Variants in SLC6A7 observed in about 807,000 individuals in gnomAD.
The protein encoded by SLC6A7 is sodium-dependent proline transporter.
Under a neutral mutation model 73.1 loss-of-function variants are expected in SLC6A7, and 58 were observed. The observed-to-expected ratio is 0.79, with a 90% CI of 0.64 to 0.99. The LOEUF (loss-of-function observed/expected upper bound fraction) is 0.99. SLC6A7 is among the 50% of genes least tolerant of loss of function. The pLI is 0.00. For synonymous variants in SLC6A7, 338 were observed against 338.7 expected (o/e 1.00, Z 0.02); for missense variants, 783 against 831.4 (o/e 0.94, Z 0.72).
chr5:150,198,089 AAGAAAGAAAGAAAGAAAGAAAGAAAG>A (rs1753141690), intron 4 of SLC6A7, among the ~76,000 whole-genome samples: 1 of 105,004 alleles, frequency 9.5e-6, no homozygotes, highest in African/African-American at 3.6e-5. Context: ...GAAAGAAAGA[AAGAAAGAAAGAAAGAAAGAAAGAAAG>A]AGAAAGAAAG....
chr5:150,197,271 C>T lies in SLC6A7; in HGVS notation c.579C>T (p.Tyr193=), dbSNP rs1753083354. 6.3e-7 allele frequency: 1 copy of T among 1,599,142 alleles called. No homozygotes were observed. The highest frequency in any genetic ancestry group is 1.1e-5 in the South Asian group (1 of 89,252). Residue 193 remains tyrosine, a synonymous_variant, in exon 4 of 14, where the codon TAC becomes TAT. Coordinates refer to ENST00000230671, the MANE Select transcript of SLC6A7 (RefSeq NM_014228.5). The stretch of plus-strand genomic sequence containing the variant: ...GCACCGTCAGCCCCAGCGAGGAGTA[C>T]TGGAGGTCAGGCAGCTGCTGGCCCC... The part of the protein sequence containing the change: ...LTCTVSPSEE[Y]WSRYVLHIQG...
At chr5:150,196,483 G>A (rs923894215) in intron 2 of SLC6A7, among the ~76,000 whole-genome samples, 12 of 152,212 alleles carry the variant, frequency 7.9e-5, no homozygotes, top group Non-Finnish European at 1.5e-4. Flanking sequence ...CTCAGCAGGC[G>A]TTTCTCAGCG....
At position 150,209,765 on chromosome 5, in the gene SLC6A7, G is replaced by A. The variant is rs916539959; in HGVS notation, c.*150G>A. 6 of 659,074 alleles carry A rather than the reference G, an allele frequency of 9.1e-6. No individual in the cohort carries two copies. The Admixed American group carries it at 1.2e-4, about 13-fold the overall frequency. 40.8% of individuals were successfully genotyped at this position (659,074 alleles called of 1,614,324 possible). ...CAGTCCCCCAGTGGGGGTCCCTTCT[G>A]CAGCCTCTGCCTCTCCTGAAACCTC... is the stretch of plus-strand genomic sequence containing the variant. On this transcript the variant is annotated 3_prime_UTR_variant, in exon 14 of 14. Coordinates refer to ENST00000230671, the MANE Select transcript of SLC6A7 (RefSeq NM_014228.5).
At chr5:150,196,669 G>T (rs765640545) in intron 2 of SLC6A7, 47 bp from the exon 3 acceptor site, 111 of 1,584,936 alleles carry the variant, frequency 7.0e-5, no homozygotes, top group East Asian at 2.2e-5. Context: ...CTGGGCTTTT[G>T]GGGGAGCTGC....
At chr5:150,199,167 C>T in intron 4 of SLC6A7, 61 bp from the exon 5 acceptor site, 13 of 1,513,334 alleles carry the variant, frequency 8.6e-6, no homozygotes, top group Non-Finnish European at 1.1e-5. Context: ...CATGGCTTGA[C>T]TCCATGTCTG....
chr5:150,204,073 G>T, intron 10 of SLC6A7, 35 bp downstream of exon 10: 1 of 1,600,192 alleles, frequency 6.2e-7, no homozygotes. Context: ...GCAGGTGGGC[G>T]GGACAAGGGC....
intron 13 of SLC6A7, among the ~76,000 whole-genome samples, chr5:150,205,989 C>A (rs1255807761): frequency 6.6e-6 from 1 of 152,194 alleles, no homozygotes; most frequent in African/African-American, 2.4e-5. Context: ...GGCTATCACC[C>A]TACTCCCGTG....
rs763886092 is a variant in SLC6A7, at chr5:150,202,543, A to T, written c.963-36A>T. The T allele has an allele frequency of 2.5e-6, 4 of 1,611,778 alleles. No individual in the cohort carries two copies. The South Asian group carries it at 3.3e-5, about 13-fold the overall frequency. On this transcript the variant is annotated intron_variant, in intron 7 of 13. Coordinates refer to ENST00000230671, the MANE Select transcript of SLC6A7 (RefSeq NM_014228.5). ...GCCTCAGAGGCTGAAAGGAAGGCCC[A>T]CTCACCCTGGCCCGCACCTGGACTT...
At chr5:150,197,442 G>A (rs767284590) in intron 4 of SLC6A7, among the ~76,000 whole-genome samples, 166 bp downstream of exon 4, 1 of 152,212 alleles carries the variant, frequency 6.6e-6, no homozygotes, top group Admixed American at 6.5e-5. Context: ...CCAGCTGTGT[G>A]GCCTCAAACA....
At chr5:150,208,964 G>A (rs531750322) in intron 13 of SLC6A7, among the ~76,000 whole-genome samples, 10 of 152,320 alleles carry the variant, frequency 6.6e-5, no homozygotes, top group Admixed American at 1.3e-4. Flanking sequence ...AGCTCCTTAA[G>A]ATTCAGCATT....
intron 12 of SLC6A7, 59 bp from the exon 13 acceptor site, chr5:150,205,397 C>A: frequency 1.5e-6 from 2 of 1,305,856 alleles, no homozygotes; most frequent in East Asian, 2.6e-5. Flanking sequence ...TGGGCTACCT[C>A]GGGCCTTAAG....
At chr5:150,199,942 A>C (rs184806554) in intron 5 of SLC6A7, among the ~76,000 whole-genome samples, 1 of 152,276 alleles carries the variant, frequency 6.6e-6, no homozygotes, top group African/African-American at 2.4e-5. Flanking sequence ...GTTTGCAACT[A>C]TTTTAGAATT....
chr5:150,196,034 C>T (rs1363010075), intron 2 of SLC6A7, among the ~76,000 whole-genome samples: 1 of 152,218 alleles, frequency 6.6e-6, no homozygotes, highest in Non-Finnish European at 1.5e-5. Context: ...CAGAACTGCT[C>T]TGTCTGAATG....
chr5:150,203,552 TG>T, intron 8 of SLC6A7, 114 bp from the exon 9 acceptor site: 1 of 631,320 alleles, frequency 1.6e-6, no homozygotes. Context: ...TGGGCATCTC[TG>T]GGTTAGGCTA....
rs1029052716 is a variant in SLC6A7 at position 150,202,233 on chromosome 5, G to A, written c.859-114G>A. ...ACTTGTGAGCCAGGCTCATGACCAC[G>A]CCATCCCTCGTGACCACGCCATCCC... On this transcript the variant is annotated intron_variant, in intron 6 of 13. Transcript: ENST00000230671. 43 of 741,982 alleles carry A rather than the reference G, an allele frequency of 5.8e-5. 1 individual carries two copies. Among genetic ancestry groups the A allele is most frequent in the Admixed American group, 5.0e-4 (25 of 49,520 alleles). 46.0% of individuals were successfully genotyped at this position (741,982 alleles called of 1,614,324 possible).
Position 150,199,376 on chromosome 5 carries a change from G to A in SLC6A7, c.723+10G>A. 2 of 1,608,504 alleles carry A rather than the reference G, an allele frequency of 1.2e-6. No individual in the cohort carries two copies. Among genetic ancestry groups the A allele is most frequent in the Non-Finnish European group, 1.7e-6 (2 of 1,175,704 alleles). Reference sequence around the variant, plus strand: ...GAAGTCTTCGGGCAAGGTGAAGCCTGGGAGGCCCCGGAGGCCTGAGGGGCT... The same window carrying A: ...GAAGTCTTCGGGCAAGGTGAAGCCTAGGAGGCCCCGGAGGCCTGAGGGGCT... On this transcript the variant is annotated intron_variant, in intron 5 of 13. Transcript: ENST00000230671.
intron 13 of SLC6A7, 112 bp downstream of exon 13, chr5:150,205,735 G>C: frequency 1.0e-6 from 1 of 981,834 alleles, no homozygotes; most frequent in Non-Finnish European, 1.5e-6. Context: ...GCTTCTTTTA[G>C]CCTGAGGAGA....
chr5:150,202,209 C>T (rs1580865164), intron 6 of SLC6A7, 138 bp from the exon 7 acceptor site: 8 of 667,456 alleles, frequency 1.2e-5, no homozygotes, highest in Non-Finnish European at 2.2e-5. Flanking sequence ...GTCCACGTCA[C>T]TTGTGAGCCA....
intron 1 of SLC6A7, among the ~76,000 whole-genome samples, chr5:150,193,078 C>G (rs558596218): frequency 6.6e-6 from 1 of 152,332 alleles, no homozygotes; most frequent in South Asian, 2.1e-4. Context: ...TAAAGAACTT[C>G]CAGGCATGTA....
Sources: gnomAD v4.1 joint callset for allele counts (sites outside exome capture counted in the v4.1 genomes callset) on GRCh38, gnomAD v4.1.1 for gene constraint, MANE v1.5 for transcripts, NCBI Gene and HGNC (gene_info 2026-07-23, HGNC 2026-07-21) for gene names.